Variants in GGACT observed in about 807,000 individuals in gnomAD.
GGACT encodes gamma-glutamylamine cyclotransferase.
For missense variants in GGACT, 241 were observed against 233.2 expected (o/e 1.03, Z -0.22); for synonymous variants, 118 against 115.3 (o/e 1.02, Z -0.15).
At chr13:100,562,510 A>G (rs956332773) in intron 2 of GGACT, among the ~76,000 whole-genome samples, 3 of 152,162 alleles carry the variant, frequency 2.0e-5, no homozygotes, top group African/African-American at 7.2e-5. Flanking sequence ...AGAGAGGCAC[A>G]TGAGGCCAGG....
At chr13:100,544,321 C>T (rs745711021) in intron 2 of GGACT, among the ~76,000 whole-genome samples, 21 of 152,228 alleles carry the variant, frequency 1.4e-4, no homozygotes, top group Admixed American at 6.5e-4. Context: ...GTGCGCGAGG[C>T]GGGCCCTAAG....
Position 100,550,975 on chromosome 13 carries a change from A to G in GGACT, c.-10-18374T>C, listed in dbSNP as rs9585458. ...AAGTTTTATCATTTCTCTCATCCAA[A>G]ACTACTTTCTTAATTAAAAAACAAC... is the stretch of plus-strand genomic sequence containing the variant. On this transcript the variant is annotated intron_variant, in intron 2 of 2. Coordinates refer to ENST00000683975, the MANE Select transcript of GGACT (RefSeq NM_001195087.2). 3.3e-3 allele frequency among the ~76,000 whole-genome samples: 498 copies of G among 152,206 alleles called. 1 individual carries two copies. The highest frequency in any genetic ancestry group is 0.011 in the African/African-American group (467 of 41,530).
chr13:100,558,756 T>C (rs1213915530), intron 2 of GGACT, among the ~76,000 whole-genome samples: 1 of 152,186 alleles, frequency 6.6e-6, no homozygotes, highest in African/African-American at 2.4e-5. Flanking sequence ...TACTGCATGT[T>C]CCTGCTCACA....
chr13:100,573,306 C>T (rs1267204565), intron 2 of GGACT, among the ~76,000 whole-genome samples: 1 of 152,130 alleles, frequency 6.6e-6, no homozygotes, highest in Admixed American at 6.5e-5. Context: ...ATTACCCCTT[C>T]CCCCATCCCA....
chr13:100,554,442 G>A (rs755327694), intron 2 of GGACT, among the ~76,000 whole-genome samples: 3 of 152,138 alleles, frequency 2.0e-5, no homozygotes, highest in Non-Finnish European at 4.4e-5. Flanking sequence ...ACGATTTCAG[G>A]TACAGCCATG....
At chr13:100,574,491 G>A (rs747306763) in intron 2 of GGACT, among the ~76,000 whole-genome samples, 2 of 152,174 alleles carry the variant, frequency 1.3e-5, no homozygotes, top group Non-Finnish European at 2.9e-5. Flanking sequence ...CAGAAGAATC[G>A]ATTGAACCTG....
At chr13:100,561,364 G>A (rs1021628787) in intron 2 of GGACT, among the ~76,000 whole-genome samples, 8 of 152,326 alleles carry the variant, frequency 5.3e-5, no homozygotes, top group East Asian at 3.9e-4. Context: ...TTAAAATAAT[G>A]CAATTCTGTA....
chr13:100,584,423 T>C (rs945294699), intron 1 of GGACT, among the ~76,000 whole-genome samples: 4 of 152,006 alleles, frequency 2.6e-5, no homozygotes, highest in Non-Finnish European at 5.9e-5. Context: ...AGCCAAAAAT[T>C]AAAACAATTG....
chr13:100,580,943 T>C (rs1165808268), intron 2 of GGACT, among the ~76,000 whole-genome samples: 1 of 152,176 alleles, frequency 6.6e-6, no homozygotes, highest in African/African-American at 2.4e-5. Flanking sequence ...TACACACATA[T>C]GTACTGAACA....
chr13:100,587,459 A>G (rs9557459), intron 1 of GGACT, among the ~76,000 whole-genome samples: 8,174 of 152,298 alleles, frequency 0.054, 508 homozygotes, highest in East Asian at 0.15. Flanking sequence ...CTCTGCTAGA[A>G]CACAGTGGTC....
chr13:100,574,295 G>C (rs992371356), intron 2 of GGACT, among the ~76,000 whole-genome samples: 1 of 152,160 alleles, frequency 6.6e-6, no homozygotes, highest in Non-Finnish European at 1.5e-5. Flanking sequence ...AAACCTGGCC[G>C]GGCGTGGTGG....
intron 2 of GGACT, among the ~76,000 whole-genome samples, chr13:100,564,681 T>G (rs545846364): frequency 3.9e-5 from 6 of 152,334 alleles, no homozygotes; most frequent in Middle Eastern, 3.4e-3. Context: ...CTTTCATGAT[T>G]CAAGGTCGAC....
At chr13:100,560,652 G>A (rs1210355335) in intron 2 of GGACT, among the ~76,000 whole-genome samples, 7 of 152,274 alleles carry the variant, frequency 4.6e-5, no homozygotes, top group Non-Finnish European at 5.9e-5. Flanking sequence ...CCTGGCTGAG[G>A]AGGGTTGCAG....
At chr13:100,565,663 G>GAGA (rs2088804648) in intron 2 of GGACT, among the ~76,000 whole-genome samples, 1 of 152,098 alleles carries the variant, frequency 6.6e-6, no homozygotes, top group African/African-American at 2.4e-5. Context: ...TCTGTCCTCT[G>GAGA]TGATCCTCTC....
intron 2 of GGACT, among the ~76,000 whole-genome samples, chr13:100,547,733 C>T (rs913901681): frequency 3.9e-5 from 6 of 152,198 alleles, no homozygotes; most frequent in African/African-American, 9.7e-5. Context: ...AGGACAAGAA[C>T]GAGACATCTC....
chr13:100,567,281 C>T (rs1231534037), intron 2 of GGACT, among the ~76,000 whole-genome samples: 1 of 152,174 alleles, frequency 6.6e-6, no homozygotes, highest in Non-Finnish European at 1.5e-5. Flanking sequence ...TCAAACCTGC[C>T]ACTTGTTCAT....
At chr13:100,533,998 C>T (rs991501475) in intron 2 of GGACT, among the ~76,000 whole-genome samples, 11 of 152,196 alleles carry the variant, frequency 7.2e-5, no homozygotes, top group Non-Finnish European at 1.2e-4. Flanking sequence ...AGCAGCGGCT[C>T]GTGACCCGCC....
chr13:100,559,538 A>C (rs540449153), intron 2 of GGACT, among the ~76,000 whole-genome samples: 30 of 151,794 alleles, frequency 2.0e-4, no homozygotes, highest in African/African-American at 7.0e-4. Context: ...TCGGTCGCCG[A>C]GGCTGGGGTG....
chr13:100,552,525 G>A lies in GGACT; in HGVS notation c.-10-19924C>T, dbSNP rs144701417. On this transcript the variant is annotated intron_variant, in intron 2 of 2. Coordinates refer to ENST00000683975, the MANE Select transcript of GGACT (RefSeq NM_001195087.2). ...TGAGATGTCAAGACGGTGACCTGTC[G>A]TGAGCCTTGTTATCAATCCCCACCT... Among the ~76,000 whole-genome samples the A allele has an allele frequency of 4.6e-3, 697 of 152,302 alleles. 6 individuals are homozygous for A. The highest frequency in any genetic ancestry group is 5.9e-3 in the Non-Finnish European group (398 of 68,022).
Sources: allele counts gnomAD v4.1 joint callset (sites outside exome capture counted in the v4.1 genomes callset), GRCh38; gene constraint gnomAD v4.1.1; transcripts MANE v1.5; gene names NCBI Gene and HGNC (gene_info 2026-07-23, HGNC 2026-07-21).